Variants in CAMK2D observed in about 807,000 individuals in gnomAD.
CAMK2D encodes calcium/calmodulin dependent protein kinase II delta.
Under a neutral mutation model 84.0 loss-of-function variants are expected in CAMK2D, and 37 were observed. That is an observed-to-expected ratio of 0.44 (90% CI 0.34 to 0.58). The LOEUF (loss-of-function observed/expected upper bound fraction) is 0.58, where lower values mean the gene tolerates loss of function less well. CAMK2D is among the 20% of genes least tolerant of loss of function. CAMK2D has a pLI of 0.02. For synonymous variants in CAMK2D, 202 were observed against 212.5 expected (o/e 0.95, Z 0.43); for missense variants, 448 against 652.5 (o/e 0.69, Z 3.41).
intron 13 of CAMK2D, among the ~76,000 whole-genome samples, chr4:113,508,082 T>C (rs2098155537): frequency 6.6e-6 from 1 of 152,218 alleles, no homozygotes; most frequent in Non-Finnish European, 1.5e-5. Context: ...CAATGTAATA[T>C]GTAAGAGAAG....
At chr4:113,639,570 C>G (rs971268414) in intron 3 of CAMK2D, among the ~76,000 whole-genome samples, 1 of 151,836 alleles carries the variant, frequency 6.6e-6, no homozygotes, top group Non-Finnish European at 1.5e-5. Context: ...CAACACCCAC[C>G]CTAGAATACC....
intron 2 of CAMK2D, among the ~76,000 whole-genome samples, chr4:113,711,588 G>A (rs2099492735): frequency 6.6e-6 from 1 of 152,152 alleles, no homozygotes; most frequent in Non-Finnish European, 1.5e-5. Flanking sequence ...GGTTTACAAT[G>A]AAATGGTTAT....
chr4:113,678,812 A>C (rs2099328843), intron 2 of CAMK2D, among the ~76,000 whole-genome samples: 1 of 152,158 alleles, frequency 6.6e-6, no homozygotes, highest in Non-Finnish European at 1.5e-5. Flanking sequence ...TTGAATATTT[A>C]AGTATAAAAT....
At chr4:113,718,512 C>T (rs2099520468) in intron 2 of CAMK2D, among the ~76,000 whole-genome samples, 1 of 152,124 alleles carries the variant, frequency 6.6e-6, no homozygotes, top group Non-Finnish European at 1.5e-5. Flanking sequence ...GATGTTATCA[C>T]CAGGAGCAAT....
chr4:113,606,003 T>C (rs1420183202), intron 4 of CAMK2D, among the ~76,000 whole-genome samples: 1 of 151,806 alleles, frequency 6.6e-6, no homozygotes, highest in Non-Finnish European at 1.5e-5. Flanking sequence ...AAGATAACAA[T>C]GCTGTCAGAA....
At position 113,552,107 on chromosome 4, in the gene CAMK2D, A is replaced by G; in HGVS notation, c.276-11T>C. On this transcript the variant is annotated splice_polypyrimidine_tract_variant and intron_variant, in intron 4 of 20. Coordinates refer to ENST00000511664, the MANE Select transcript of CAMK2D (RefSeq NM_001321571.2). Reference sequence around the variant, plus strand: ...TCACCTCCAGTAACTCTGGGAAGATAAAAAACATAATCACTTTTAAAAAGA... The same window carrying G: ...TCACCTCCAGTAACTCTGGGAAGATGAAAAACATAATCACTTTTAAAAAGA... The G allele has an allele frequency of 6.7e-7, 1 of 1,503,180 alleles. No homozygotes were observed. The highest frequency in any genetic ancestry group is 9.2e-7 in the Non-Finnish European group (1 of 1,086,718). 93.1% of individuals were successfully genotyped at this position (1,503,180 alleles called of 1,614,324 possible). A position where few individuals can be genotyped will look rare whatever the true frequency, so the allele number is the denominator to read the frequency against.
chr4:113,478,666 G>T lies in CAMK2D; in HGVS notation c.1136-13062C>A, dbSNP rs185641914. On this transcript the variant is annotated intron_variant, in intron 16 of 20. Transcript: ENST00000511664. ...TCCAGAGGTATTTCTTTACTGTTTAGTAATATGTTTACATTTTTGTGTAGC... is the reference window on the plus strand; with the variant it reads ...TCCAGAGGTATTTCTTTACTGTTTATTAATATGTTTACATTTTTGTGTAGC... Among the ~76,000 whole-genome samples, 4 of 152,110 alleles carry T rather than the reference G, an allele frequency of 2.6e-5. No individual in the cohort carries two copies. The East Asian group carries it at 7.7e-4, about 29-fold the overall frequency.
intron 2 of CAMK2D, among the ~76,000 whole-genome samples, chr4:113,737,935 T>C (rs2099584990): frequency 6.6e-6 from 1 of 152,108 alleles, no homozygotes; most frequent in East Asian, 1.9e-4. Context: ...GAATCACTCA[T>C]TTTTAATTTT....
chr4:113,670,402 T>C (rs532754822), intron 2 of CAMK2D, among the ~76,000 whole-genome samples: 4 of 152,340 alleles, frequency 2.6e-5, no homozygotes, highest in South Asian at 4.1e-4. Context: ...AGGATATTAG[T>C]TGGTGCATGT....
chr4:113,671,726 C>T (rs1340483054), intron 2 of CAMK2D, among the ~76,000 whole-genome samples: 1 of 152,062 alleles, frequency 6.6e-6, no homozygotes, highest in Non-Finnish European at 1.5e-5. Context: ...GGAAATACAC[C>T]CACCTCCCAG....
At chr4:113,497,290 T>C (rs2097949919) in intron 16 of CAMK2D, among the ~76,000 whole-genome samples, 1 of 152,108 alleles carries the variant, frequency 6.6e-6, no homozygotes, top group South Asian at 2.1e-4. Context: ...CATGGCTAGT[T>C]CAAAAAGAGA....
intron 3 of CAMK2D, among the ~76,000 whole-genome samples, chr4:113,638,769 A>G (rs948994008): frequency 2.6e-5 from 4 of 152,186 alleles, no homozygotes; most frequent in African/African-American, 9.7e-5. Flanking sequence ...CACCAGAAAA[A>G]AACAAAAACT....
intron 4 of CAMK2D, among the ~76,000 whole-genome samples, chr4:113,607,265 T>C (rs1366008997): frequency 6.6e-6 from 1 of 152,124 alleles, no homozygotes. Context: ...TAGAGCCAGA[T>C]GAAACTACGG....
intron 16 of CAMK2D, among the ~76,000 whole-genome samples, chr4:113,468,458 G>A (rs906186653): frequency 6.6e-6 from 1 of 152,192 alleles, no homozygotes; most frequent in Non-Finnish European, 1.5e-5. Flanking sequence ...GGGCAAAGGA[G>A]CTTGAGTGAG....
intron 16 of CAMK2D, among the ~76,000 whole-genome samples, chr4:113,467,869 G>A (rs1173503340): frequency 6.6e-6 from 1 of 152,100 alleles, no homozygotes; most frequent in East Asian, 1.9e-4. Flanking sequence ...TACGGGTGAG[G>A]AGGATCTCAG....
chr4:113,686,892 A>G lies in CAMK2D; in HGVS notation c.161-25120T>C, dbSNP rs936619439. Among the ~76,000 whole-genome samples, 56 of 151,574 alleles carry G rather than the reference A, an allele frequency of 3.7e-4. 1 individual carries two copies. Among genetic ancestry groups the G allele is most frequent in the Non-Finnish European group, 8.8e-5 (6 of 67,906 alleles). ...CACACACACACACACACACACACAT[A>G]CACTTCAAGTTGCTCAATTTTAAAA... On this transcript the variant is annotated intron_variant, in intron 2 of 20. Coordinates refer to ENST00000511664, the MANE Select transcript of CAMK2D (RefSeq NM_001321571.2).
intron 4 of CAMK2D, among the ~76,000 whole-genome samples, chr4:113,592,891 C>T (rs1029802779): frequency 6.6e-6 from 1 of 150,864 alleles, no homozygotes; most frequent in African/African-American, 2.4e-5. Context: ...GTCTCTTGCT[C>T]TACCCAGGCT....
intron 16 of CAMK2D, among the ~76,000 whole-genome samples, chr4:113,494,895 C>T (rs2097907039): frequency 6.6e-6 from 1 of 152,174 alleles, no homozygotes; most frequent in Non-Finnish European, 1.5e-5. Flanking sequence ...TAGGAGTGAC[C>T]CGATTTTCCA....
At chr4:113,679,372 T>A (rs1262105025) in intron 2 of CAMK2D, 1 of 627,714 alleles carries the variant, frequency 1.6e-6, no homozygotes, top group Non-Finnish European at 2.0e-6. Context: ...TCTTCTCTAC[T>A]AACACATGCG....
Sources: gnomAD v4.1 joint callset for allele counts (sites outside exome capture counted in the v4.1 genomes callset) on GRCh38, gnomAD v4.1.1 for gene constraint, MANE v1.5 for transcripts, NCBI Gene and HGNC (gene_info 2026-07-23, HGNC 2026-07-21) for gene names.